The following EVI5 variants were observed in gnomAD, a reference collection of about 807,000 sequenced individuals.
EVI5 encodes ecotropic viral integration site 5.
A neutral mutation model predicts 112.0 loss-of-function variants in EVI5; 73 were observed. The ratio of observed to expected loss-of-function variants is 0.65; its 90% CI spans 0.54 to 0.79. The LOEUF (loss-of-function observed/expected upper bound fraction) is 0.79. Ranked by LOEUF, EVI5 falls within the 30% of genes least tolerant of loss-of-function variation. The probability of loss-of-function intolerance (pLI) is 0.00; values close to 1 mark genes in which losing one functional copy is unlikely to be tolerated. For missense variants in EVI5, 900 were observed against 968.8 expected (o/e 0.93, Z 0.94); for synonymous variants, 305 against 319.9 (o/e 0.95, Z 0.50).
At chr1:92,728,651 G>A (rs1675989001) in intron 2 of EVI5, among the ~76,000 whole-genome samples, 2 of 152,196 alleles carry the variant, frequency 1.3e-5, no homozygotes, top group Non-Finnish European at 2.9e-5. Context: ...GCCTCCCAAA[G>A]TGCTAAGATT....
chr1:92,744,475 T>C (rs1678936921), intron 1 of EVI5, among the ~76,000 whole-genome samples: 1 of 152,194 alleles, frequency 6.6e-6, no homozygotes, highest in Non-Finnish European at 1.5e-5. Flanking sequence ...CAGACTATTT[T>C]GTCTTCTTTG....
chr1:92,633,894 A>AC (rs1429850007), intron 14 of EVI5, among the ~76,000 whole-genome samples: 26 of 152,050 alleles, frequency 1.7e-4, no homozygotes, highest in African/African-American at 5.8e-4. Context: ...AAAATCTCTC[A>AC]CCATTTGCTT....
intron 2 of EVI5, chr1:92,714,061 A>G (rs1453082053): frequency 1.0e-6 from 1 of 984,486 alleles, no homozygotes; most frequent in African/African-American, 1.7e-5. Context: ...AGCACATTTA[A>G]CACACAAGGG....
intron 18 of EVI5, among the ~76,000 whole-genome samples, chr1:92,604,850 A>G (rs1227662021): frequency 3.3e-5 from 5 of 152,152 alleles, no homozygotes; most frequent in Non-Finnish European, 7.4e-5. Flanking sequence ...TTATCATCCT[A>G]TGGGACCATT....
chr1:92,540,341 C>T lies in EVI5; in HGVS notation c.2166+23301G>A, dbSNP rs371435611. On this transcript the variant is annotated intron_variant, in intron 19 of 19. Transcript: ENST00000684568. The stretch of plus-strand genomic sequence containing the variant: ...GGGTTCCAATTTTTCTACATCCTTG[C>T]AACATTTTTATTATCTGTTTTATTA... Among the ~76,000 whole-genome samples the T allele has an allele frequency of 2.6e-5, 4 of 152,274 alleles. No individual in the cohort carries two copies. The South Asian group carries it at 6.2e-4, about 24-fold the overall frequency.
At chr1:92,522,311 A>G (rs905512741) in intron 19 of EVI5, among the ~76,000 whole-genome samples, 1 of 152,166 alleles carries the variant, frequency 6.6e-6, no homozygotes, top group African/African-American at 2.4e-5. Context: ...TTTGATTTCT[A>G]TGTTTAAGCT....
At position 92,715,836 on chromosome 1, in the gene EVI5, A is replaced by G. The variant is rs907517792; in HGVS notation, c.150-11092T>C. Among the ~76,000 whole-genome samples the G allele has an allele frequency of 5.3e-5, 8 of 152,110 alleles. No homozygotes were observed. In the South Asian group the frequency reaches 8.3e-4, roughly 16 times the overall value. On this transcript the variant is annotated intron_variant, in intron 2 of 19. Coordinates refer to ENST00000684568, the MANE Select transcript of EVI5 (RefSeq NM_001350197.2). The stretch of plus-strand genomic sequence containing the variant: ...TCGCGCCTGGCTCGGTGGGTCCCAC[A>G]CCCACAGAGCTTTGCTCACTGCTAG...
chr1:92,538,536 C>T (rs1664260781), intron 19 of EVI5, among the ~76,000 whole-genome samples: 1 of 152,140 alleles, frequency 6.6e-6, no homozygotes, highest in African/African-American at 2.4e-5. Context: ...AATCAATTAA[C>T]CAAATATGCA....
intron 13 of EVI5, among the ~76,000 whole-genome samples, chr1:92,662,279 G>A (rs1327396073): frequency 6.6e-6 from 1 of 152,096 alleles, no homozygotes; most frequent in Non-Finnish European, 1.5e-5. Context: ...CCACACTGTC[G>A]AAGCTTTAAA....
chr1:92,660,438 G>A (rs1663785071), intron 13 of EVI5, among the ~76,000 whole-genome samples: 1 of 151,982 alleles, frequency 6.6e-6, no homozygotes, highest in Admixed American at 6.5e-5. Context: ...TTGGGAACAT[G>A]GTGATGGGAA....
intron 1 of EVI5, among the ~76,000 whole-genome samples, chr1:92,763,317 T>C (rs1682154753): frequency 2.0e-5 from 3 of 152,132 alleles, no homozygotes; most frequent in Admixed American, 1.3e-4. Context: ...GTCTCAAGAA[T>C]ATCAATAAAA....
rs1346523555 is a variant in EVI5 at position 92,550,813 on chromosome 1, T to TATATATAA, written c.2166+12828_2166+12829insTTATATAT. ...ATATATATATATATATATATATATA[T>TATATATAA]AACAAAAAAAACAAAAGATATATTC... On this transcript the variant is annotated intron_variant, in intron 19 of 19. Coordinates refer to ENST00000684568, the MANE Select transcript of EVI5 (RefSeq NM_001350197.2). Among the ~76,000 whole-genome samples the TATATATAA allele has an allele frequency of 1.1e-3, 88 of 80,086 alleles. 1 individual carries two copies. The highest frequency in any genetic ancestry group is 3.7e-3 in the East Asian group (11 of 2,966). The allele number at this position is 80,086 out of a possible 152,430, so 52.5% of individuals were successfully genotyped here. A position where few individuals can be genotyped will look rare whatever the true frequency, so the allele number is the denominator to read the frequency against.
chr1:92,652,228 G>A (rs1395818292), intron 13 of EVI5, among the ~76,000 whole-genome samples: 3 of 152,144 alleles, frequency 2.0e-5, no homozygotes, highest in Non-Finnish European at 2.9e-5. Context: ...ATCATGCTTA[G>A]TGCAATAAGC....
chr1:92,663,561 T>G, intron 11 of EVI5, 109 bp from the exon 12 acceptor site: 1 of 495,892 alleles, frequency 2.0e-6, no homozygotes, highest in Admixed American at 3.6e-5. Flanking sequence ...TCATTGCTAA[T>G]TAAAATGGAC....
At chr1:92,735,929 G>A (rs1460162064) in intron 2 of EVI5, among the ~76,000 whole-genome samples, 2 of 149,260 alleles carry the variant, frequency 1.3e-5, no homozygotes, top group East Asian at 1.9e-4. Context: ...AACAAACGGA[G>A]TCCGGAATAT....
intron 2 of EVI5, among the ~76,000 whole-genome samples, chr1:92,720,975 C>T (rs1439466970): frequency 1.3e-5 from 2 of 152,096 alleles, no homozygotes; most frequent in South Asian, 2.1e-4. Context: ...CAATGAGATA[C>T]CATACCATCT....
chr1:92,762,901 A>G (rs1682089196), intron 1 of EVI5, among the ~76,000 whole-genome samples: 1 of 152,176 alleles, frequency 6.6e-6, no homozygotes, highest in African/African-American at 2.4e-5. Flanking sequence ...CTACACTAAA[A>G]GTCCAGACCT....
At chr1:92,673,763 G>C (rs948949453) in intron 10 of EVI5, among the ~76,000 whole-genome samples, 4 of 152,140 alleles carry the variant, frequency 2.6e-5, no homozygotes, top group African/African-American at 9.7e-5. Flanking sequence ...TCCATATGAA[G>C]ACATTATTAT....
At chr1:92,630,606 C>T (rs1248902257) in intron 14 of EVI5, among the ~76,000 whole-genome samples, 1 of 152,086 alleles carries the variant, frequency 6.6e-6, no homozygotes, top group Non-Finnish European at 1.5e-5. Flanking sequence ...AATTTTCTCC[C>T]ATTCTGTAGG....
Sources: gnomAD v4.1 joint callset for allele counts (sites outside exome capture counted in the v4.1 genomes callset) on GRCh38, gnomAD v4.1.1 for gene constraint, MANE v1.5 for transcripts, NCBI Gene and HGNC (gene_info 2026-07-23, HGNC 2026-07-21) for gene names.